The following NKIRAS1 variants were observed in gnomAD, a reference collection of about 807,000 sequenced individuals.
The protein encoded by NKIRAS1 is NF-kappa-B inhibitor-interacting Ras-like protein 1.
Under a neutral mutation model 19.8 loss-of-function variants are expected in NKIRAS1, and 16 were observed. That is an observed-to-expected ratio of 0.81 (90% CI 0.55 to 1.23). NKIRAS1 has a LOEUF of 1.23. Among genes scored for constraint, NKIRAS1 ranks in the 50% most tolerant of loss-of-function variants. The pLI is 0.00. For synonymous variants in NKIRAS1, 88 were observed against 79.0 expected (o/e 1.11, Z -0.61); for missense variants, 184 against 220.0 (o/e 0.84, Z 1.04).
At chr3:23,893,381 A>C (rs1017395336) in intron 4 of NKIRAS1, 44 bp from the exon 5 acceptor site, 14 of 1,549,916 alleles carry the variant, frequency 9.0e-6, no homozygotes, top group African/African-American at 2.8e-5. Context: ...TACTTTGCCA[A>C]CATCAGTTCC....
chr3:23,935,963 G>T (rs1705384429), intron 1 of NKIRAS1, among the ~76,000 whole-genome samples: 1 of 151,568 alleles, frequency 6.6e-6, no homozygotes, highest in African/African-American at 2.4e-5. Flanking sequence ...TACACCTGTA[G>T]TTCCAGCTTC....
rs530443441 is a variant in NKIRAS1, at chr3:23,944,077, A to T, written c.-140+2246T>A. Among the ~76,000 whole-genome samples, 94 of 152,350 alleles carry T rather than the reference A, an allele frequency of 6.2e-4. 1 individual carries two copies. The highest frequency in any genetic ancestry group is 2.2e-3 in the African/African-American group (92 of 41,592). ...CAAGAGATAATGGTTTGCTCTAGCA[A>T]TACCAACGGTGAGAAACAGGGATTG... On this transcript the variant is annotated intron_variant, in intron 1 of 4. Coordinates refer to the NKIRAS1 transcript ENST00000421515.
Position 23,893,076 on chromosome 3 carries a change from T to C in NKIRAS1, c.*19A>G, listed in dbSNP as rs1319305569. The C allele has an allele frequency of 1.3e-6, 2 of 1,536,216 alleles. No homozygotes were observed. The highest frequency in any genetic ancestry group is 1.7e-6 in the Non-Finnish European group (2 of 1,145,894). On this transcript the variant is annotated 3_prime_UTR_variant, in exon 5 of 5. Coordinates refer to ENST00000425478, the MANE Select transcript of NKIRAS1 (RefSeq NM_020345.4). ...AAGGCAATCACTATTCAACATACAA[T>C]TGTGGAAATTACTGATTTTTAGTTC...
At chr3:23,899,942 T>A (rs954442139) in intron 4 of NKIRAS1, among the ~76,000 whole-genome samples, 2 of 150,966 alleles carry the variant, frequency 1.3e-5, no homozygotes, top group Admixed American at 6.6e-5. Context: ...AGCAGGCGGA[T>A]CACAAAGTCA....
At chr3:23,898,697 GC>G (rs1301616643) in intron 4 of NKIRAS1, among the ~76,000 whole-genome samples, 1 of 152,050 alleles carries the variant, frequency 6.6e-6, no homozygotes, top group Non-Finnish European at 1.5e-5. Context: ...GCCCACCTCG[GC>G]CTCCCAAAAT....
intron 1 of NKIRAS1, among the ~76,000 whole-genome samples, chr3:23,914,887 C>T (rs1575108170): frequency 6.6e-6 from 1 of 152,210 alleles, no homozygotes; most frequent in Admixed American, 6.5e-5. Context: ...AGCAGGACTA[C>T]GCCCATAGGC....
At chr3:23,918,519 T>C (rs1440614507), upstream of NKIRAS1, 3 of 1,614,034 alleles carry the variant, frequency 1.9e-6, no homozygotes, top group Non-Finnish European at 2.5e-6. Flanking sequence ...ACGGCAAGCC[T>C]GTCCATCATG....
intron 3 of NKIRAS1, among the ~76,000 whole-genome samples, chr3:23,904,578 T>C (rs1330245452): frequency 7.2e-5 from 11 of 152,186 alleles, no homozygotes; most frequent in Non-Finnish European, 1.3e-4. Flanking sequence ...TACTGTTACA[T>C]TGGAGATTAA....
At chr3:23,937,959 A>C (rs1705427033) in intron 1 of NKIRAS1, among the ~76,000 whole-genome samples, 1 of 152,196 alleles carries the variant, frequency 6.6e-6, no homozygotes, top group Non-Finnish European at 1.5e-5. Context: ...TTATTAAGAC[A>C]ATAAGAGACT....
At chr3:23,937,614 G>A (rs902299220) in intron 1 of NKIRAS1, among the ~76,000 whole-genome samples, 1 of 151,482 alleles carries the variant, frequency 6.6e-6, no homozygotes, top group East Asian at 1.9e-4. Context: ...AACTGTGACC[G>A]AGAGTATTGA....
intron 4 of NKIRAS1, among the ~76,000 whole-genome samples, chr3:23,895,799 C>T (rs868698918): frequency 1.8e-4 from 28 of 152,252 alleles, no homozygotes; most frequent in South Asian, 1.2e-3. Context: ...CCCCACTTTC[C>T]TTTCACCTGA....
At chr3:23,905,695 T>C (rs1462117925) in intron 3 of NKIRAS1, among the ~76,000 whole-genome samples, 1 of 151,278 alleles carries the variant, frequency 6.6e-6, no homozygotes, top group African/African-American at 2.4e-5. Flanking sequence ...GGGTCACGAC[T>C]ACGTCCCAGG....
chr3:23,895,742 G>A (rs746206007), intron 4 of NKIRAS1, among the ~76,000 whole-genome samples: 9 of 152,024 alleles, frequency 5.9e-5, no homozygotes, highest in South Asian at 2.1e-4. Context: ...ATGAGATATC[G>A]CATACCTTTG....
chr3:23,911,972 C>A (rs369492300), intron 1 of NKIRAS1, among the ~76,000 whole-genome samples: 3 of 151,836 alleles, frequency 2.0e-5, no homozygotes, highest in African/African-American at 7.3e-5. Context: ...CTATGTTGGC[C>A]AGGATGGTCT....
chr3:23,944,261 G>A (rs1240079591), intron 1 of NKIRAS1, among the ~76,000 whole-genome samples: 1 of 152,172 alleles, frequency 6.6e-6, no homozygotes, highest in Non-Finnish European at 1.5e-5. Flanking sequence ...AACCTGGGGG[G>A]TGGGGAAATA....
rs535572717 is a variant in NKIRAS1 at position 23,892,017 on chromosome 3, A to T, written c.*1078T>A. ...AGCTGATTTGTAAGTATCGTCTTTT[A>T]TATGTAGTAGTTCTTCACTAGAGCT... On this transcript the variant is annotated 3_prime_UTR_variant, in exon 5 of 5. Coordinates refer to ENST00000425478, the MANE Select transcript of NKIRAS1 (RefSeq NM_020345.4). 1 of 152,320 alleles carries T rather than the reference A, an allele frequency of 6.6e-6. No individual in the cohort carries two copies. The highest frequency in any genetic ancestry group is 1.5e-5 in the Non-Finnish European group (1 of 68,028). The allele number at this position is 152,320 out of a possible 1,614,324, so 9.4% of individuals were successfully genotyped here.
intron 4 of NKIRAS1, among the ~76,000 whole-genome samples, chr3:23,893,819 A>G (rs2125347574): frequency 1.4e-5 from 2 of 145,972 alleles, no homozygotes; most frequent in South Asian, 2.2e-4. Context: ...AAAAAAAAAA[A>G]AAATGCAGAT....
At chr3:23,911,588 G>A (rs766035723) in intron 1 of NKIRAS1, 138 bp from the exon 2 acceptor site, 2 of 152,078 alleles carry the variant, frequency 1.3e-5, no homozygotes, top group African/African-American at 4.8e-5. Context: ...TTAAATCCTT[G>A]AAAGAGACTG....
intron 1 of NKIRAS1, among the ~76,000 whole-genome samples, chr3:23,931,731 AG>A (rs10583097): frequency 0.63 from 95,134 of 151,030 alleles, 30,191 homozygotes; most frequent in Middle Eastern, 0.73. Flanking sequence ...AGAGAGAGAG[AG>A]AGAGAAAGAA....
Sources: gnomAD v4.1 joint callset for allele counts (sites outside exome capture counted in the v4.1 genomes callset) on GRCh38, gnomAD v4.1.1 for gene constraint, MANE v1.5 for transcripts, NCBI Gene and HGNC (gene_info 2026-07-23, HGNC 2026-07-21) for gene names.